The following ERICH5 variants were observed in gnomAD, a reference collection of about 807,000 sequenced individuals.
The protein encoded by ERICH5 is glutamate rich 5.
ERICH5 carries 24 observed loss-of-function variants against 28.0 expected under a neutral mutation model. The observed-to-expected ratio is 0.86, with a 90% CI of 0.62 to 1.21. The LOEUF (loss-of-function observed/expected upper bound fraction) is 1.21, where lower values mean the gene tolerates loss of function less well. ERICH5 is among the 50% of genes most tolerant of loss of function. ERICH5 has a pLI of 0.00. For missense variants in ERICH5, 421 were observed against 441.2 expected (o/e 0.95, Z 0.41); for synonymous variants, 163 against 157.6 (o/e 1.03, Z -0.25).
intron 1 of ERICH5, among the ~76,000 whole-genome samples, chr8:98,074,433 T>G (rs1230804395): frequency 6.7e-6 from 1 of 149,404 alleles, no homozygotes; most frequent in Non-Finnish European, 1.5e-5. Flanking sequence ...TTACTTTTTT[T>G]TTTTTTTTGA....
At chr8:98,084,390 G>C (rs142287169) in intron 1 of ERICH5, among the ~76,000 whole-genome samples, 20 of 152,126 alleles carry the variant, frequency 1.3e-4, no homozygotes, top group African/African-American at 4.8e-4. Flanking sequence ...TATTTTGTTT[G>C]TTTGTTTTTG....
In ERICH5 at chr8:98,073,516, GTATATATATATATA is replaced by G. The variant is rs1289703378; in HGVS notation, c.58+8806_58+8819del. The stretch of plus-strand genomic sequence containing the variant: ...TATATATATATATATATATATATAT[GTATATATATATATA>G]TATATATATATATATAATTTTTTTT... On this transcript the variant is annotated intron_variant, in intron 1 of 2. Coordinates refer to ENST00000318528, the MANE Select transcript of ERICH5 (RefSeq NM_173549.3). Among the ~76,000 whole-genome samples the G allele has an allele frequency of 7.6e-4, 4 of 5,298 alleles. 1 individual carries two copies. The highest frequency in any genetic ancestry group is 2.3e-3 in the African/African-American group (4 of 1,756). 3.5% of individuals were successfully genotyped at this position (5,298 alleles called of 152,430 possible). A position where few individuals can be genotyped will look rare whatever the true frequency, so the allele number is the denominator to read the frequency against.
intron 1 of ERICH5, among the ~76,000 whole-genome samples, chr8:98,087,829 T>A (rs970262107): frequency 1.3e-5 from 2 of 152,204 alleles, no homozygotes; most frequent in African/African-American, 4.8e-5. Flanking sequence ...TTCATAATCA[T>A]CTTTTTTCAT....
intron 1 of ERICH5, among the ~76,000 whole-genome samples, chr8:98,079,165 CCTTTTTT>C (rs1237416235): frequency 2.2e-5 from 1 of 46,498 alleles, no homozygotes. Context: ...TTTTTTTTTT[CCTTTTTT>C]TTTTTTTTTT....
chr8:98,077,489 A>G (rs1422133953), intron 1 of ERICH5, among the ~76,000 whole-genome samples: 1 of 152,204 alleles, frequency 6.6e-6, no homozygotes, highest in Non-Finnish European at 1.5e-5. Flanking sequence ...GTTTTGTGCT[A>G]TCATGTTTTT....
rs1156761311 is a variant in ERICH5, at chr8:98,070,679, A to G, written c.58+5952A>G. ...GCATCTCAAAAAAAAAAAAAAAAAA[A>G]AAAGAAAAGAAAAGAAAAAGAAAAG... On this transcript the variant is annotated intron_variant, in intron 1 of 2. Coordinates refer to ENST00000318528, the MANE Select transcript of ERICH5 (RefSeq NM_173549.3). 1.2e-4 allele frequency among the ~76,000 whole-genome samples: 17 copies of G among 146,188 alleles called. No individual in the cohort carries two copies. In the East Asian group the frequency reaches 1.8e-3, roughly 15 times the overall value.
chr8:98,087,093 A>G (rs1815295791), intron 1 of ERICH5, among the ~76,000 whole-genome samples: 1 of 152,200 alleles, frequency 6.6e-6, no homozygotes, highest in African/African-American at 2.4e-5. Flanking sequence ...CTATAATCCT[A>G]GCACTCTGGG....
chr8:98,089,862 T>C lies in ERICH5; in HGVS notation c.845T>C (p.Met282Thr). The C allele has an allele frequency of 6.2e-7, 1 of 1,614,188 alleles. No homozygotes were observed. Among genetic ancestry groups the C allele is most frequent in the Non-Finnish European group, 8.5e-7 (1 of 1,180,042 alleles). ...DRSQLVEKPV[M>T]NDPFHKTPEG... ...AGTCAGCTTGTGGAAAAGCCTGTTA[T>C]GAATGATCCATTCCATAAAACTCCT... The change falls in exon 2 of 3, where the codon ATG becomes ACG. Residue 282 changes from methionine to threonine, a missense_variant. Physicochemically the swap from Met to Thr is moderately conservative, Grantham distance 81. Coordinates refer to ENST00000318528, the MANE Select transcript of ERICH5 (RefSeq NM_173549.3).
intron 1 of ERICH5, among the ~76,000 whole-genome samples, chr8:98,065,692 G>T (rs1164222611): frequency 6.6e-6 from 1 of 152,190 alleles, no homozygotes; most frequent in Non-Finnish European, 1.5e-5. Flanking sequence ...ATTTTGAATG[G>T]CTAAAATTTT....
intron 2 of ERICH5, among the ~76,000 whole-genome samples, chr8:98,091,836 TTTTCTTTCTTTC>T (rs3074382): frequency 0.011 from 1,199 of 107,246 alleles, 17 homozygotes; most frequent in Non-Finnish European, 0.013. Flanking sequence ...TTCTTTTTCT[TTTTCTTTCTTTC>T]TTTCTTTCTT....
intron 1 of ERICH5, among the ~76,000 whole-genome samples, chr8:98,074,332 A>G (rs1284256853): frequency 6.6e-6 from 1 of 152,050 alleles, no homozygotes; most frequent in Non-Finnish European, 1.5e-5. Flanking sequence ...TTTATGAGAC[A>G]GTTTTTCTAA....
intron 1 of ERICH5, among the ~76,000 whole-genome samples, chr8:98,088,590 T>G (rs1156662330): frequency 6.6e-6 from 1 of 152,230 alleles, no homozygotes; most frequent in Non-Finnish European, 1.5e-5. Flanking sequence ...GGGGCTTTCC[T>G]GTGTTAGAAG....
At chr8:98,082,391 ATCCCAACACT>A in intron 1 of ERICH5, among the ~76,000 whole-genome samples, 1 of 152,260 alleles carries the variant, frequency 6.6e-6, no homozygotes, top group Admixed American at 6.5e-5. Context: ...CCTGCCTGTA[ATCCCAACACT>A]TCAGGAGGTG....
chr8:98,091,462 G>A (rs983103960), intron 2 of ERICH5, among the ~76,000 whole-genome samples: 1 of 152,188 alleles, frequency 6.6e-6, no homozygotes, highest in Admixed American at 6.5e-5. Context: ...AAAGCAGGTA[G>A]TTTTTACATC....
chr8:98,084,053 ATTTTTTT>A (rs11298792), intron 1 of ERICH5, among the ~76,000 whole-genome samples: 1 of 139,582 alleles, frequency 7.2e-6, no homozygotes, highest in Non-Finnish European at 1.6e-5. Flanking sequence ...GCTAATTTTA[ATTTTTTT>A]TTTTTTTTTG....
At chr8:98,079,160 T>G (rs1815121123) in intron 1 of ERICH5, among the ~76,000 whole-genome samples, 1 of 87,178 alleles carries the variant, frequency 1.1e-5, no homozygotes, top group Non-Finnish European at 2.9e-5. Context: ...CCTCTTTTTT[T>G]TTTTCCTTTT....
At chr8:98,067,946 T>A (rs1004718552) in intron 1 of ERICH5, among the ~76,000 whole-genome samples, 3 of 152,128 alleles carry the variant, frequency 2.0e-5, no homozygotes, top group Non-Finnish European at 4.4e-5. Flanking sequence ...TCCCTTATTA[T>A]GATTCTAAAT....
intron 1 of ERICH5, among the ~76,000 whole-genome samples, chr8:98,085,585 T>C (rs1427641704): frequency 6.6e-6 from 1 of 152,198 alleles, no homozygotes; most frequent in Non-Finnish European, 1.5e-5. Flanking sequence ...TGTGGTTTCT[T>C]TTCTCTTGGG....
intron 1 of ERICH5, among the ~76,000 whole-genome samples, chr8:98,082,645 C>A (rs867417507): frequency 6.0e-4 from 77 of 127,830 alleles, no homozygotes; most frequent in South Asian, 7.5e-4. Context: ...AACTCCATCT[C>A]AAAAAAAAAA....
Sources: allele counts gnomAD v4.1 joint callset (sites outside exome capture counted in the v4.1 genomes callset), GRCh38; gene constraint gnomAD v4.1.1; transcripts MANE v1.5; gene names NCBI Gene and HGNC (gene_info 2026-07-23, HGNC 2026-07-21).